PPP1R42: variants seen among roughly 807,000 people sequenced by gnomAD.
PPP1R42 encodes the protein protein phosphatase 1 regulatory subunit 42, also known as leucine rich repeat containing 67.
PPP1R42 carries 34 observed loss-of-function variants against 31.0 expected under a neutral mutation model. That is an observed-to-expected ratio of 1.10 (90% CI 0.83 to 1.46). The LOEUF (loss-of-function observed/expected upper bound fraction) is 1.46, where lower values mean the gene tolerates loss of function less well. Ranked by LOEUF, PPP1R42 falls within the 40% of genes most tolerant of loss-of-function variation. The probability of loss-of-function intolerance (pLI) is 0.00; values close to 1 mark genes in which losing one functional copy is unlikely to be tolerated. For missense variants in PPP1R42, 268 were observed against 303.0 expected (o/e 0.88, Z 0.86); for synonymous variants, 103 against 109.8 (o/e 0.94, Z 0.39).
intron 5 of PPP1R42, among the ~76,000 whole-genome samples, chr8:67,006,840 G>A (rs961629685): frequency 4.2e-5 from 6 of 141,554 alleles, no homozygotes; most frequent in South Asian, 2.4e-4. Context: ...TATGCCTCCC[G>A]GGTTCACACC....
At chr8:66,989,282 T>A (rs1433312760) in intron 5 of PPP1R42, among the ~76,000 whole-genome samples, 1 of 152,160 alleles carries the variant, frequency 6.6e-6, no homozygotes, top group Non-Finnish European at 1.5e-5. Flanking sequence ...GAAAACAGAT[T>A]AACGGAACTT....
chr8:66,984,047 C>T lies in PPP1R42; in HGVS notation c.671-1867G>A, dbSNP rs997702940. On this transcript the variant is annotated intron_variant, in intron 6 of 7. Transcript: ENST00000685739. ...TGCTTGGCACAGTTCTGAGATCATA[C>T]AAGTGGGAGTGGGTTGGGAAACAGA... is the stretch of plus-strand genomic sequence containing the variant. The T allele has an allele frequency of 4.6e-6, 6 of 1,294,546 alleles. No individual in the cohort carries two copies. In the Admixed American group the frequency reaches 8.6e-5, roughly 18 times the overall value. The allele number at this position is 1,294,546 out of a possible 1,614,324, so 80.2% of individuals were successfully genotyped here.
chr8:66,980,844 C>CT (rs879690078), intron 7 of PPP1R42, among the ~76,000 whole-genome samples: 100 of 145,752 alleles, frequency 6.9e-4, no homozygotes, highest in Admixed American at 2.0e-3. Flanking sequence ...GTGGTCAGTT[C>CT]TTTTTTTTTT....
intron 5 of PPP1R42, among the ~76,000 whole-genome samples, chr8:67,010,326 C>T (rs1027872902): frequency 1.3e-5 from 2 of 151,998 alleles, no homozygotes; most frequent in Non-Finnish European, 2.9e-5. Flanking sequence ...AAGTACTTCC[C>T]CAAAAAGAAG....
intron 5 of PPP1R42, among the ~76,000 whole-genome samples, chr8:66,992,244 T>G (rs1815209059): frequency 6.6e-6 from 1 of 152,178 alleles, no homozygotes; most frequent in African/African-American, 2.4e-5. Flanking sequence ...AAAGGCTGTT[T>G]CATACATTGG....
At chr8:66,999,539 G>A (rs577641399) in intron 5 of PPP1R42, among the ~76,000 whole-genome samples, 10 of 152,200 alleles carry the variant, frequency 6.6e-5, no homozygotes, top group Non-Finnish European at 1.3e-4. Flanking sequence ...TGTAGAGATG[G>A]GGTCTCCCCA....
chr8:67,022,002 A>G (rs961389581), intron 1 of PPP1R42, among the ~76,000 whole-genome samples: 18 of 151,576 alleles, frequency 1.2e-4, no homozygotes, highest in Non-Finnish European at 1.8e-4. Flanking sequence ...GATTTTGTAT[A>G]TATCATTTAG....
At chr8:67,026,186 A>G (rs1816391791) in intron 1 of PPP1R42, among the ~76,000 whole-genome samples, 1 of 150,620 alleles carries the variant, frequency 6.6e-6, no homozygotes, top group Non-Finnish European at 1.5e-5. Context: ...AAATACAAAA[A>G]AATTAGCCGG....
At chr8:66,981,247 G>T (rs1814824809) in intron 7 of PPP1R42, among the ~76,000 whole-genome samples, 2 of 152,136 alleles carry the variant, frequency 1.3e-5, no homozygotes, top group Admixed American at 1.3e-4. Flanking sequence ...TATGTCGTTT[G>T]TAACACAACT....
At chr8:66,981,972 T>C (rs1393769870) in intron 7 of PPP1R42, 77 bp downstream of exon 7, 14 of 1,250,032 alleles carry the variant, frequency 1.1e-5, no homozygotes, top group African/African-American at 3.1e-5. Context: ...ACTATTTTAT[T>C]TGTTGGCATT....
intron 7 of PPP1R42, among the ~76,000 whole-genome samples, chr8:66,978,340 C>A (rs1233044993): frequency 6.6e-6 from 1 of 152,278 alleles, no homozygotes; most frequent in South Asian, 2.1e-4. Flanking sequence ...CAATTATCTC[C>A]CACCACGTCC....
chr8:67,016,997 C>T (rs1398328222), intron 2 of PPP1R42, among the ~76,000 whole-genome samples: 5 of 151,940 alleles, frequency 3.3e-5, no homozygotes. Flanking sequence ...AATTATTTCC[C>T]AACATACACT....
chr8:66,969,561 T>C (rs543145697), intron 7 of PPP1R42, among the ~76,000 whole-genome samples: 2 of 152,240 alleles, frequency 1.3e-5, no homozygotes, highest in Admixed American at 6.5e-5. Context: ...AGACCTTCTC[T>C]CTCCTAAGAC....
In PPP1R42 at chr8:66,999,163, T is replaced by A. The variant is rs986086407; in HGVS notation, c.553-10646A>T. Among the ~76,000 whole-genome samples the A allele has an allele frequency of 6.6e-5, 10 of 152,108 alleles. No homozygotes were observed. The East Asian group carries it at 1.9e-3, about 29-fold the overall frequency. On this transcript the variant is annotated intron_variant, in intron 5 of 7. Transcript: ENST00000685739. ...GCCTCGACTTCCTGGGTTCATATGA[T>A]CCTCCCACCTCAGCCTCCTGTGTAG...
intron 7 of PPP1R42, among the ~76,000 whole-genome samples, chr8:66,970,431 C>T (rs1814506336): frequency 1.3e-5 from 2 of 152,136 alleles, no homozygotes; most frequent in African/African-American, 4.8e-5. Context: ...CCATTGTCCC[C>T]AGCTCTGGTT....
intron 3 of PPP1R42, 62 bp from the exon 4 acceptor site, chr8:67,013,158 G>A (rs976944030): frequency 9.4e-5 from 124 of 1,322,608 alleles, no homozygotes; most frequent in Admixed American, 1.3e-4. Context: ...TTTATTAAAC[G>A]TGACAAAAGT....
intron 5 of PPP1R42, among the ~76,000 whole-genome samples, chr8:67,003,590 G>A (rs1487507051): frequency 6.6e-6 from 1 of 151,838 alleles, no homozygotes; most frequent in Non-Finnish European, 1.5e-5. Flanking sequence ...TTGTTTTTAT[G>A]GAGGGCAATT....
intron 1 of PPP1R42, among the ~76,000 whole-genome samples, chr8:67,028,143 C>T (rs1472857223): frequency 6.6e-6 from 1 of 152,156 alleles, no homozygotes; most frequent in Admixed American, 6.5e-5. Flanking sequence ...GCCACAGGCT[C>T]AGTGGCTTCC....
At chr8:66,986,603 A>C (rs1172900503) in intron 6 of PPP1R42, among the ~76,000 whole-genome samples, 2 of 152,154 alleles carry the variant, frequency 1.3e-5, no homozygotes, top group Non-Finnish European at 2.9e-5. Flanking sequence ...CAGAACCGAA[A>C]CGTTTCCGTG....
Sources: allele counts gnomAD v4.1 joint callset (sites outside exome capture counted in the v4.1 genomes callset), GRCh38; gene constraint gnomAD v4.1.1; transcripts MANE v1.5; gene names NCBI Gene and HGNC (gene_info 2026-07-23, HGNC 2026-07-21).